Variants in SDK1 observed in about 807,000 individuals in gnomAD.
SDK1 encodes protein sidekick-1.
In SDK1, 157 loss-of-function variants were observed where a neutral mutation model predicts 245.5. The ratio of observed to expected loss-of-function variants is 0.64; its 90% CI spans 0.56 to 0.73. The LOEUF is 0.73. Ranked by LOEUF, SDK1 falls within the 30% of genes least tolerant of loss-of-function variation. The pLI is 0.00. For missense variants in SDK1, 3,583 were observed against 3,002.3 expected, an observed-to-expected ratio of 1.19 and a Z score of -4.52; for synonymous variants, 1,647 against 1,278.5, an observed-to-expected ratio of 1.29 and a Z score of -6.15.
intron 5 of SDK1, among the ~76,000 whole-genome samples, chr7:3,870,793 T>A (rs538040940): frequency 1.3e-5 from 2 of 152,356 alleles, no homozygotes; most frequent in Admixed American, 1.3e-4. Context: ...ACTAATGTTT[T>A]TTGTCTGTTG....
At chr7:3,642,770 T>C (rs1782692778) in intron 4 of SDK1, 1 of 152,240 alleles carries the variant, frequency 6.6e-6, no homozygotes, top group South Asian at 2.1e-4. Flanking sequence ...TTGGTATATA[T>C]TTCATAACTG....
chr7:3,524,158 A>G (rs1004254895), intron 1 of SDK1, among the ~76,000 whole-genome samples: 3 of 152,184 alleles, frequency 2.0e-5, no homozygotes, highest in Non-Finnish European at 2.9e-5. Context: ...AACTTCCCAG[A>G]ATGAAGAAAC....
Position 4,253,094 on chromosome 7 carries a change from T to C in SDK1, c.6381+7289T>C, listed in dbSNP as rs1169213225. Among the ~76,000 whole-genome samples the C allele has an allele frequency of 3.3e-5, 5 of 152,186 alleles. No homozygotes were observed. The East Asian group carries it at 5.8e-4, about 18-fold the overall frequency. ...TGCAAAGAACCAACTTGTAGTTTGA[T>C]TGATTTTCTCTATTATTTTTCTACT... On this transcript the variant is annotated intron_variant, in intron 44 of 44. Transcript: ENST00000404826.
intron 1 of SDK1, among the ~76,000 whole-genome samples, chr7:3,549,534 G>A (rs1333166410): frequency 6.6e-6 from 1 of 152,198 alleles, no homozygotes; most frequent in South Asian, 2.1e-4. Flanking sequence ...GTGTGAAGTA[G>A]GATAGAGGTA....
intron 1 of SDK1, among the ~76,000 whole-genome samples, chr7:3,420,440 G>A (rs889834298): frequency 1.3e-5 from 2 of 152,122 alleles, no homozygotes; most frequent in Non-Finnish European, 2.9e-5. Context: ...TCATTTTACT[G>A]TATATGAAAG....
intron 4 of SDK1, among the ~76,000 whole-genome samples, chr7:3,677,565 G>A (rs1049455417): frequency 2.0e-5 from 3 of 152,194 alleles, no homozygotes; most frequent in Admixed American, 6.5e-5. Flanking sequence ...AACCACCCCC[G>A]TGATTCAATT....
chr7:4,073,092 C>G (rs1372181550), intron 20 of SDK1, among the ~76,000 whole-genome samples: 5 of 152,192 alleles, frequency 3.3e-5, no homozygotes, highest in Non-Finnish European at 7.3e-5. Flanking sequence ...GGCCATTAGT[C>G]TCAGTTAGGC....
chr7:4,016,491 C>G (rs962065229), intron 16 of SDK1, among the ~76,000 whole-genome samples: 7 of 152,234 alleles, frequency 4.6e-5, no homozygotes, highest in African/African-American at 1.4e-4. Flanking sequence ...ACAGTACACA[C>G]AGCAATTTCC....
chr7:4,191,752 G>A (rs1182645385), intron 35 of SDK1, among the ~76,000 whole-genome samples: 2 of 152,228 alleles, frequency 1.3e-5, no homozygotes, highest in Non-Finnish European at 2.9e-5. Flanking sequence ...GCTCAGGGTG[G>A]ACAGGGGGCT....
intron 22 of SDK1, among the ~76,000 whole-genome samples, 172 bp from the exon 23 acceptor site, chr7:4,110,491 C>T (rs981726486): frequency 1.3e-5 from 2 of 152,162 alleles, no homozygotes; most frequent in Non-Finnish European, 2.9e-5. Context: ...ATAGCAAGAG[C>T]CTGTATCTCC....
chr7:3,578,101 A>AGG (rs1030013524), intron 1 of SDK1, among the ~76,000 whole-genome samples: 4 of 151,994 alleles, frequency 2.6e-5, no homozygotes, highest in Middle Eastern at 6.8e-3. Context: ...ATTTTTTATC[A>AGG]GGGGAACCCA....
chr7:3,984,072 G>A (rs79059102), intron 13 of SDK1, among the ~76,000 whole-genome samples: 1 of 152,194 alleles, frequency 6.6e-6, no homozygotes, highest in East Asian at 1.9e-4. Flanking sequence ...AGGCTGTTGC[G>A]ACCGTTTTTG....
intron 1 of SDK1, among the ~76,000 whole-genome samples, chr7:3,426,112 C>T (rs964236549): frequency 2.6e-5 from 4 of 152,142 alleles, no homozygotes; most frequent in African/African-American, 7.2e-5. Context: ...CAGTAAACAA[C>T]GTGGAAGACA....
rs774839989 is a variant in SDK1, at chr7:4,127,412, C to T, written c.3855C>T (p.Ala1285=). 2.9e-5 allele frequency: 47 copies of T among 1,614,160 alleles called. No individual in the cohort carries two copies. Among genetic ancestry groups the T allele is most frequent in the South Asian group, 8.8e-5 (8 of 91,072 alleles). ...CAGCCGCCCCTGAGAACGTGTCAGCCGAGGCTGTCAGCTCGACCCAGATTT... is the reference window on the plus strand; with the variant it reads ...CAGCCGCCCCTGAGAACGTGTCAGCTGAGGCTGTCAGCTCGACCCAGATTT... The part of the protein sequence containing the change: ...VPSAAPENVS[A]EAVSSTQILL... The change falls in exon 26 of 45, where the codon GCC becomes GCT. Residue 1285 remains alanine (A), a synonymous_variant. Coordinates refer to ENST00000404826, the MANE Select transcript of SDK1 (RefSeq NM_152744.4).
intron 4 of SDK1, among the ~76,000 whole-genome samples, chr7:3,745,220 A>G (rs903281772): frequency 2.0e-5 from 3 of 152,212 alleles, no homozygotes; most frequent in African/African-American, 7.2e-5. Flanking sequence ...TTGTGGGAAT[A>G]TTACCCTTTA....
intron 5 of SDK1, among the ~76,000 whole-genome samples, chr7:3,827,694 G>A (rs1457034813): frequency 2.6e-5 from 4 of 152,194 alleles, no homozygotes; most frequent in Non-Finnish European, 5.9e-5. Flanking sequence ...CAGGTGCAGG[G>A]CCATGTCAGT....
At chr7:4,069,367 T>C (rs1464264955) in intron 20 of SDK1, among the ~76,000 whole-genome samples, 2 of 152,246 alleles carry the variant, frequency 1.3e-5, no homozygotes, top group African/African-American at 2.4e-5. Context: ...CTGTCAGCCA[T>C]ATATAGGACA....
At chr7:3,800,549 T>C (rs1006042072) in intron 4 of SDK1, among the ~76,000 whole-genome samples, 13 of 151,974 alleles carry the variant, frequency 8.6e-5, no homozygotes, top group African/African-American at 2.7e-4. Flanking sequence ...ACCCGGCTAA[T>C]TTTTTGTATT....
intron 4 of SDK1, among the ~76,000 whole-genome samples, chr7:3,755,950 C>T (rs1281898406): frequency 6.6e-6 from 1 of 150,894 alleles, no homozygotes; most frequent in Non-Finnish European, 1.5e-5. Context: ...CGTTTTAACT[C>T]TGACTCCTTT....
Sources: gnomAD v4.1 joint callset for allele counts (sites outside exome capture counted in the v4.1 genomes callset) on GRCh38, gnomAD v4.1.1 for gene constraint, MANE v1.5 for transcripts, NCBI Gene and HGNC (gene_info 2026-07-23, HGNC 2026-07-21) for gene names.